Variants in ABCG2 observed in about 807,000 individuals in gnomAD.
The protein encoded by ABCG2 is ATP binding cassette subfamily G member 2 (JR blood group), also known as broad substrate specificity ATP-binding cassette transporter ABCG2.
ABCG2 carries 80 observed loss-of-function variants against 73.5 expected under a neutral mutation model. That is an observed-to-expected ratio of 1.09 (90% CI 0.91 to 1.31). ABCG2 has a LOEUF of 1.31. Among genes scored for constraint, ABCG2 ranks in the 50% most tolerant of loss-of-function variants. The probability of loss-of-function intolerance (pLI) is 0.00; values close to 1 mark genes in which losing one functional copy is unlikely to be tolerated. For missense variants in ABCG2, 796 were observed against 786.2 expected, an observed-to-expected ratio of 1.01 and a Z score of -0.15; for synonymous variants, 269 against 282.4, an observed-to-expected ratio of 0.95 and a Z score of 0.48.
chr4:88,166,310 T>C (rs1727517735), intron 1 of ABCG2, among the ~76,000 whole-genome samples: 1 of 152,180 alleles, frequency 6.6e-6, no homozygotes, highest in South Asian at 2.1e-4. Flanking sequence ...CAAATTGTCG[T>C]ACCATCATTT....
intron 14 of ABCG2, 97 bp from the exon 15 acceptor site, chr4:88,094,756 ATTG>A (rs1721874708): frequency 1.1e-6 from 1 of 908,890 alleles, no homozygotes; most frequent in Non-Finnish European, 1.8e-6. Context: ...TTTAATCTTT[ATTG>A]TTATTTCTAA....
At chr4:88,203,131 T>C (rs1358025423) in intron 1 of ABCG2, among the ~76,000 whole-genome samples, 2 of 152,158 alleles carry the variant, frequency 1.3e-5, no homozygotes, top group African/African-American at 4.8e-5. Context: ...GGGTTCCAAC[T>C]TAAAACCAAT....
intron 1 of ABCG2, among the ~76,000 whole-genome samples, chr4:88,153,694 G>A (rs530847570): frequency 5.3e-5 from 8 of 152,160 alleles, no homozygotes; most frequent in South Asian, 2.1e-4. Flanking sequence ...TATGACCGTC[G>A]TGGCCTTCTC....
At chr4:88,167,325 C>G (rs936229330) in intron 1 of ABCG2, among the ~76,000 whole-genome samples, 3 of 150,732 alleles carry the variant, frequency 2.0e-5, no homozygotes, top group Non-Finnish European at 4.4e-5. Flanking sequence ...ACTTTCAAAA[C>G]AGTTTGAGTC....
At chr4:88,142,296 T>C (rs756555145) in intron 1 of ABCG2, among the ~76,000 whole-genome samples, 2 of 151,908 alleles carry the variant, frequency 1.3e-5, no homozygotes, top group African/African-American at 2.4e-5. Flanking sequence ...AAGCCACAGA[T>C]TGAAGAAACT....
At chr4:88,211,357 T>TC (rs1560460419) in intron 1 of ABCG2, among the ~76,000 whole-genome samples, 264 of 18,850 alleles carry the variant, frequency 0.014, 4 homozygotes, top group Non-Finnish European at 0.019. Context: ...GTTCAACCCC[T>TC]GCCCCACCCC....
At chr4:88,191,836 A>C (rs1388402612) in intron 1 of ABCG2, among the ~76,000 whole-genome samples, 1 of 152,228 alleles carries the variant, frequency 6.6e-6, no homozygotes, top group East Asian at 1.9e-4. Flanking sequence ...AAACATGCTA[A>C]GTATAATAAA....
chr4:88,151,606 A>G (rs1474559315), intron 1 of ABCG2, among the ~76,000 whole-genome samples: 1 of 151,814 alleles, frequency 6.6e-6, no homozygotes, highest in Non-Finnish European at 1.5e-5. Context: ...GGCGTGGTGG[A>G]GGGGCGCCGG....
chr4:88,137,425 G>C (rs1293537599), intron 2 of ABCG2, among the ~76,000 whole-genome samples: 3 of 152,186 alleles, frequency 2.0e-5, no homozygotes, highest in African/African-American at 4.8e-5. Context: ...AGGGGAAAGG[G>C]TGACATTATA....
intron 5 of ABCG2, among the ~76,000 whole-genome samples, chr4:88,125,952 T>C (rs1031464868): frequency 1.3e-5 from 2 of 151,214 alleles, no homozygotes; most frequent in Middle Eastern, 6.8e-3. Context: ...CTGAAGGAGA[T>C]AGAGACAGGA....
chr4:88,108,369 C>A (rs1418286996), intron 9 of ABCG2, among the ~76,000 whole-genome samples: 18 of 114,154 alleles, frequency 1.6e-4, no homozygotes, highest in Non-Finnish European at 3.2e-4. Flanking sequence ...TAAAAAAAAA[C>A]ACACACAAAA....
rs187335733 is a variant in ABCG2 at position 88,185,818 on chromosome 4, T to G, written c.-20+45176A>C. 2.5e-3 allele frequency among the ~76,000 whole-genome samples: 386 copies of G among 152,244 alleles called. 3 individuals carry two copies. Among genetic ancestry groups the G allele is most frequent in the African/African-American group, 8.8e-3 (364 of 41,558 alleles). ...ATCATGAGATATCATCTCATCCCAG[T>G]TAAAACAGTTTTTATGCAAAAGACA... On this transcript the variant is annotated intron_variant, in intron 1 of 15. Transcript: ENST00000515655.
In ABCG2 at chr4:88,158,559, T is replaced by C. The variant is rs1454005993; in HGVS notation, c.-193A>G. The C allele has an allele frequency of 4.4e-6, 2 of 456,306 alleles. No individual in the cohort carries two copies. Among genetic ancestry groups the C allele is most frequent in the Non-Finnish European group, 8.8e-6 (2 of 226,986 alleles). 28.3% of individuals were successfully genotyped at this position (456,306 alleles called of 1,614,324 possible). A position where few individuals can be genotyped will look rare whatever the true frequency, so the allele number is the denominator to read the frequency against. ...ACAAGACCACCAAGCATGTGCACGG[T>C]GCGTTCCTAAATCCTACCCAGTTCC... On this transcript the variant is annotated 5_prime_UTR_variant, in exon 1 of 16. Coordinates refer to ENST00000237612, the MANE Select transcript of ABCG2 (RefSeq NM_004827.3).
rs150818035 is a variant in ABCG2 at position 88,133,240 on chromosome 4, G to A, written c.204-605C>T. On this transcript the variant is annotated intron_variant, in intron 2 of 15. Transcript: ENST00000237612. The stretch of plus-strand genomic sequence containing the variant: ...TCAAATTCTACACAATTAATAAGTC[G>A]CTAATTTGTGGAATACCGGTAGAAG... 2.0e-4 allele frequency among the ~76,000 whole-genome samples: 31 copies of A among 152,138 alleles called. No individual in the cohort carries two copies. The East Asian group carries it at 5.8e-3, about 28-fold the overall frequency.
chr4:88,099,817 G>A (rs567410319), intron 11 of ABCG2, among the ~76,000 whole-genome samples: 36 of 152,190 alleles, frequency 2.4e-4, no homozygotes, highest in African/African-American at 7.9e-4. Flanking sequence ...TTCAGTAGCC[G>A]ATTTTGGCAG....
intron 1 of ABCG2, among the ~76,000 whole-genome samples, chr4:88,149,730 A>G (rs1372744144): frequency 6.6e-6 from 1 of 152,172 alleles, no homozygotes; most frequent in Non-Finnish European, 1.5e-5. Context: ...GCATGCCTGT[A>G]ACCCCAGCCA....
intron 1 of ABCG2, among the ~76,000 whole-genome samples, chr4:88,227,292 A>C (rs1446190253): frequency 6.6e-6 from 1 of 152,048 alleles, no homozygotes; most frequent in Non-Finnish European, 1.5e-5. Context: ...AGTACTAGGG[A>C]GGCTAAGACA....
chr4:88,176,477 C>CTTTTTTTTTTTTTTTTTTTTTTTTTTTT (rs34754034), intron 1 of ABCG2, among the ~76,000 whole-genome samples: 2 of 84,858 alleles, frequency 2.4e-5, no homozygotes, highest in African/African-American at 9.0e-5. Context: ...AAAGAGAATG[C>CTTTTTTTTTTTTTTTTTTTTTTTTTTTT]TTTTTTTTTT....
In ABCG2 at chr4:88,147,027, A is replaced by AAGAAAGAAAGAAAGAAAGAAAGAAAGAC. The variant is rs1726082174; in HGVS notation, c.-19-7014_-19-7013insGTCTTTCTTTCTTTCTTTCTTTCTTTCT. ...AAAGAGAAAGAAAAGGAAAGAAAGA[A>AAGAAAGAAAGAAAGAAAGAAAGAAAGAC]AGAAAGAAAGAAAGAAAGAAAAGAA... On this transcript the variant is annotated intron_variant, in intron 1 of 15. Coordinates refer to ENST00000237612, the MANE Select transcript of ABCG2 (RefSeq NM_004827.3). Among the ~76,000 whole-genome samples the AAGAAAGAAAGAAAGAAAGAAAGAAAGAC allele has an allele frequency of 4.0e-5, 6 of 151,274 alleles. No homozygotes were observed. The South Asian group carries it at 1.3e-3, about 32-fold the overall frequency.
Sources: allele counts gnomAD v4.1 joint callset (sites outside exome capture counted in the v4.1 genomes callset), GRCh38; gene constraint gnomAD v4.1.1; transcripts MANE v1.5; gene names NCBI Gene and HGNC (gene_info 2026-07-23, HGNC 2026-07-21).